SEMA5A: variants seen among roughly 807,000 people sequenced by gnomAD.
SEMA5A encodes the protein semaphorin-5A.
In SEMA5A, 55 loss-of-function variants were observed where a neutral mutation model predicts 135.5. The observed-to-expected ratio is 0.41, with a 90% CI of 0.33 to 0.51. SEMA5A has a LOEUF of 0.51. Ranked by LOEUF, SEMA5A falls within the 20% of genes least tolerant of loss-of-function variation. SEMA5A has a pLI of 0.37. For missense variants in SEMA5A, 1,290 were observed against 1,419.9 expected, an observed-to-expected ratio of 0.91 and a Z score of 1.47; for synonymous variants, 580 against 546.5, an observed-to-expected ratio of 1.06 and a Z score of -0.85.
At chr5:9,420,112 C>A (rs1050834257) in intron 2 of SEMA5A, among the ~76,000 whole-genome samples, 1 of 151,948 alleles carries the variant, frequency 6.6e-6, no homozygotes, top group Non-Finnish European at 1.5e-5. Context: ...CATGATGGAG[C>A]GCTCCATCAT....
At chr5:9,273,816 C>T (rs7711705) in intron 5 of SEMA5A, among the ~76,000 whole-genome samples, 2 of 152,058 alleles carry the variant, frequency 1.3e-5, no homozygotes, top group Non-Finnish European at 2.9e-5. Flanking sequence ...ACCAGGCCTG[C>T]CCTACAAGAG....
At chr5:9,270,987 A>G (rs75978822) in intron 5 of SEMA5A, among the ~76,000 whole-genome samples, 1,744 of 152,164 alleles carry the variant, frequency 0.011, 33 homozygotes, top group African/African-American at 0.039. Flanking sequence ...CCTTTTTAAC[A>G]TAAGGAACTT....
At chr5:9,506,308 C>T (rs943714316) in intron 1 of SEMA5A, among the ~76,000 whole-genome samples, 16 of 152,148 alleles carry the variant, frequency 1.1e-4, no homozygotes, top group Admixed American at 3.3e-4. Flanking sequence ...AGCTGCTATG[C>T]AATGTATTAA....
In SEMA5A at chr5:9,204,646, T is replaced by C. The variant is rs1745910004; in HGVS notation, c.647-2406A>G. On this transcript the variant is annotated intron_variant, in intron 8 of 22. Transcript: ENST00000382496. The surrounding 1 kb of genome is among the most constrained non-coding windows in gnomAD (Gnocchi z 6.4). ...GATGAGGACACTAAAGCCCAGAGAT[T>C]TAATAACTTGTCCAAATTCACATAA... Among the ~76,000 whole-genome samples the C allele has an allele frequency of 6.6e-6, 1 of 152,138 alleles. No individual in the cohort carries two copies. Among genetic ancestry groups the C allele is most frequent in the Non-Finnish European group, 1.5e-5 (1 of 68,026 alleles).
At chr5:9,108,366 C>A in intron 15 of SEMA5A, 79 bp from the exon 16 acceptor site, 1 of 1,535,668 alleles carries the variant, frequency 6.5e-7, no homozygotes, top group South Asian at 1.2e-5. Flanking sequence ...TCCATCCCTG[C>A]ACCAGATGTT....
At chr5:9,163,715 G>A (rs1328604501) in intron 11 of SEMA5A, among the ~76,000 whole-genome samples, 2 of 151,980 alleles carry the variant, frequency 1.3e-5, no homozygotes, top group Non-Finnish European at 2.9e-5. Flanking sequence ...AAATGCAATC[G>A]TTAGTGTAGG....
In SEMA5A at chr5:9,080,649, G is replaced by A. The variant is rs573182851; in HGVS notation, c.2074-14003C>T. ...ACCTCCACAAAGACTCAGGGGTAAC[G>A]ATGTAGTTTGCACTACTCAGTCTTC... On this transcript the variant is annotated intron_variant, in intron 16 of 22. Coordinates refer to ENST00000382496, the MANE Select transcript of SEMA5A (RefSeq NM_003966.3). Among the ~76,000 whole-genome samples the A allele has an allele frequency of 7.2e-5, 11 of 152,084 alleles. No individual in the cohort carries two copies. In the South Asian group the frequency reaches 1.7e-3, roughly 23 times the overall value.
At chr5:9,057,238 T>C (rs1005420719) in intron 18 of SEMA5A, among the ~76,000 whole-genome samples, 3 of 152,196 alleles carry the variant, frequency 2.0e-5, no homozygotes, top group East Asian at 3.8e-4. Context: ...CAATACCGTA[T>C]TGTGCACTCA....
chr5:9,049,105 G>A (rs551645298), intron 21 of SEMA5A, among the ~76,000 whole-genome samples: 12 of 152,308 alleles, frequency 7.9e-5, no homozygotes, highest in African/African-American at 2.2e-4. Context: ...TGAACTAACA[G>A]ACTGCTGACT....
chr5:9,416,142 G>A (rs956632249), intron 2 of SEMA5A, among the ~76,000 whole-genome samples: 1 of 152,076 alleles, frequency 6.6e-6, no homozygotes, highest in Non-Finnish European at 1.5e-5. Flanking sequence ...ATCAGATGAG[G>A]AATTCCCTCT....
chr5:9,042,968 T>A lies in SEMA5A; in HGVS notation c.3154A>T (p.Asn1052Tyr). ...LILEERNKYF[N>Y]PHLTGKTYSN... ...TAGGTCTTCCCAGTGAGATGTGGGT[T>A]GAAGTATTTGTTTCTTTCCTCTAGG... Residue 1052 changes from asparagine (N) to tyrosine (Y), a missense_variant, in exon 23 of 23, where the codon AAC becomes TAC. Asn to Tyr is a moderately radical substitution (Grantham distance 143, BLOSUM62 -2). This residue lies in a region of SEMA5A where 1,029 missense variants were observed against 1,086.6 expected (regional missense o/e 0.95). Transcript: ENST00000382496. The A allele has an allele frequency of 6.2e-7, 1 of 1,612,900 alleles. No homozygotes were observed. The highest frequency in any genetic ancestry group is 2.2e-5 in the East Asian group (1 of 44,848).
chr5:9,384,421 G>A (rs935067830), intron 2 of SEMA5A, among the ~76,000 whole-genome samples: 3 of 151,838 alleles, frequency 2.0e-5, no homozygotes, highest in Non-Finnish European at 4.4e-5. Flanking sequence ...CAGCATCCCC[G>A]GCCTGTACCT....
chr5:9,367,303 G>C (rs1169113132), intron 3 of SEMA5A: 1 of 152,138 alleles, frequency 6.6e-6, no homozygotes, highest in Non-Finnish European at 1.5e-5. Context: ...GGCCAGCACT[G>C]CTTTATAGCC....
chr5:9,472,655 TCTC>T (rs1759517921), intron 1 of SEMA5A, among the ~76,000 whole-genome samples: 1 of 152,088 alleles, frequency 6.6e-6, no homozygotes, highest in African/African-American at 2.4e-5. Context: ...TTCCAGATAG[TCTC>T]CTAATGTTTT....
Position 9,054,592 on chromosome 5 carries a change from A to G in SEMA5A, c.2519-335T>C, listed in dbSNP as rs80107805. ...GCAGAGTGCACGAGCTGTCATAGTA[A>G]TTCCAGCCCCTGAGAACAACCATGA... On this transcript the variant is annotated intron_variant, in intron 18 of 22. Transcript: ENST00000382496. Among the ~76,000 whole-genome samples, 53 of 152,284 alleles carry G rather than the reference A, an allele frequency of 3.5e-4. No individual in the cohort carries two copies. The East Asian group carries it at 9.7e-3, about 28-fold the overall frequency.
At chr5:9,154,417 G>A in intron 12 of SEMA5A, 71 bp downstream of exon 12, 1 of 1,468,168 alleles carries the variant, frequency 6.8e-7, no homozygotes, top group Non-Finnish European at 9.4e-7. Flanking sequence ...GGCATCTGAA[G>A]CCTCCCTGGC....
intron 14 of SEMA5A, among the ~76,000 whole-genome samples, chr5:9,122,363 A>G (rs1343166839): frequency 6.6e-6 from 1 of 152,218 alleles, no homozygotes; most frequent in Non-Finnish European, 1.5e-5. Flanking sequence ...TATTCCATGA[A>G]AAGACTATTA....
At chr5:9,312,669 A>G (rs1752196790) in intron 5 of SEMA5A, among the ~76,000 whole-genome samples, 1 of 152,166 alleles carries the variant, frequency 6.6e-6, no homozygotes, top group Non-Finnish European at 1.5e-5. Context: ...TTGTATCCCA[A>G]TTCCTGCTCA....
intron 12 of SEMA5A, among the ~76,000 whole-genome samples, chr5:9,138,415 C>T (rs908206861): frequency 1.3e-5 from 2 of 152,012 alleles, no homozygotes; most frequent in African/African-American, 4.8e-5. Flanking sequence ...TAATGATATG[C>T]AATACACACA....
Sources: gnomAD v4.1 joint callset for allele counts (sites outside exome capture counted in the v4.1 genomes callset) on GRCh38, gnomAD v4.1.1 for gene constraint, gnomAD v4.1.1 regional missense constraint, Gnocchi (gnomAD v3.1) non-coding constraint, MANE v1.5 for transcripts, NCBI Gene and HGNC (gene_info 2026-07-23, HGNC 2026-07-21) for gene names.